Variants in ANKRD13C observed in about 807,000 individuals in gnomAD.
ANKRD13C encodes the protein ankyrin repeat domain 13C.
A neutral mutation model predicts 65.5 loss-of-function variants in ANKRD13C; 16 were observed. The observed-to-expected ratio is 0.24, with a 90% CI of 0.17 to 0.37. The LOEUF is 0.37. Among genes scored for constraint, ANKRD13C ranks in the 10% least tolerant of loss-of-function variants. The pLI is 1.00. For missense variants in ANKRD13C, 503 were observed against 655.9 expected (o/e 0.77, Z 2.55); for synonymous variants, 235 against 238.7 (o/e 0.98, Z 0.14).
chr1:70,274,527 C>T (rs1434366849), intron 11 of ANKRD13C, among the ~76,000 whole-genome samples, 193 bp downstream of exon 11: 2 of 146,318 alleles, frequency 1.4e-5, no homozygotes, highest in South Asian at 4.5e-4. Context: ...AAAAATTTAT[C>T]TGGTGAAAGT....
chr1:70,271,024 C>A (rs1678855199), intron 11 of ANKRD13C, 68 bp from the exon 12 acceptor site: 1 of 945,458 alleles, frequency 1.1e-6, no homozygotes, highest in Non-Finnish European at 1.7e-6. Flanking sequence ...TGCTTTTCAA[C>A]TACATGCTTC....
intron 1 of ANKRD13C, among the ~76,000 whole-genome samples, chr1:70,336,417 T>G (rs1367083404): frequency 6.6e-6 from 1 of 152,196 alleles, no homozygotes; most frequent in African/African-American, 2.4e-5. Context: ...ACAATTTAAA[T>G]ATCTAGTCAT....
In ANKRD13C at chr1:70,294,700, A is replaced by T. The variant is rs139607547; in HGVS notation, c.1053+1430T>A. 1.8e-4 allele frequency among the ~76,000 whole-genome samples: 27 copies of T among 151,228 alleles called. No homozygotes were observed. In the East Asian group the frequency reaches 4.9e-3, roughly 27 times the overall value. ...CTAGAGTGCAGTGGTGTGATCACTC[A>T]CTGTGGCCTCAACCTTCTGGGCTCA... On this transcript the variant is annotated intron_variant, in intron 8 of 12. Transcript: ENST00000370944.
intron 2 of ANKRD13C, 78 bp downstream of exon 2, chr1:70,335,980 G>T (rs1032369393): frequency 6.8e-6 from 3 of 440,076 alleles, no homozygotes; most frequent in South Asian, 3.5e-5. Flanking sequence ...AAACTCAAAA[G>T]ACAAAACTGA....
chr1:70,330,084 G>A (rs1486110108), intron 2 of ANKRD13C, among the ~76,000 whole-genome samples: 2 of 141,358 alleles, frequency 1.4e-5, no homozygotes, highest in Non-Finnish European at 3.0e-5. Flanking sequence ...GCGATATTCC[G>A]TCTCAAAAAA....
At chr1:70,325,006 T>C in intron 2 of ANKRD13C, 49 bp from the exon 3 acceptor site, 1 of 1,273,164 alleles carries the variant, frequency 7.9e-7, no homozygotes. Context: ...ATTTTTAGAA[T>C]CTCTAAATAT....
At chr1:70,350,797 C>A (rs1258603083) in intron 1 of ANKRD13C, among the ~76,000 whole-genome samples, 1 of 152,126 alleles carries the variant, frequency 6.6e-6, no homozygotes, top group Non-Finnish European at 1.5e-5. Flanking sequence ...GAGATTTATA[C>A]TATATAACTT....
At chr1:70,281,549 C>A (rs897326198) in intron 9 of ANKRD13C, among the ~76,000 whole-genome samples, 2 of 151,594 alleles carry the variant, frequency 1.3e-5, no homozygotes, top group African/African-American at 4.8e-5. Context: ...ACTACAGATG[C>A]ATGCCACCAT....
intron 4 of ANKRD13C, among the ~76,000 whole-genome samples, chr1:70,315,017 T>C (rs1168721964): frequency 1.3e-5 from 2 of 152,138 alleles, no homozygotes; most frequent in African/African-American, 2.4e-5. Flanking sequence ...GGCAGGCGGA[T>C]TGCTTGAGCT....
chr1:70,323,828 G>A lies in ANKRD13C; in HGVS notation c.577+1025C>T, dbSNP rs1681421086. On this transcript the variant is annotated intron_variant, in intron 3 of 12. Coordinates refer to ENST00000370944, the MANE Select transcript of ANKRD13C (RefSeq NM_030816.5). Reference sequence around the variant, plus strand: ...CAACCTCCGCCTCCCAGGCTCAGGCGATTCTCGTGCCTCAGCCTCCCGAGT... The same window carrying A: ...CAACCTCCGCCTCCCAGGCTCAGGCAATTCTCGTGCCTCAGCCTCCCGAGT... Among the ~76,000 whole-genome samples the A allele has an allele frequency of 4.0e-5, 6 of 151,254 alleles. No individual in the cohort carries two copies. The South Asian group carries it at 1.1e-3, about 27-fold the overall frequency.
rs147750630 is a variant in ANKRD13C, at chr1:70,307,979, A to C, written c.710-1689T>G. ...AAAAGAAAAAAAGAAAGAAAGAAAA[A>C]ACTTTTTTGAAACAAAAATTGAGAA... On this transcript the variant is annotated intron_variant, in intron 5 of 12. Coordinates refer to ENST00000370944, the MANE Select transcript of ANKRD13C (RefSeq NM_030816.5). Among the ~76,000 whole-genome samples, 446 of 152,276 alleles carry C rather than the reference A, an allele frequency of 2.9e-3. 5 individuals are homozygous for C. The highest frequency in any genetic ancestry group is 0.01 in the African/African-American group (434 of 41,568).
intron 4 of ANKRD13C, 40 bp from the exon 5 acceptor site, chr1:70,313,830 G>A (rs767743208): frequency 3.4e-6 from 5 of 1,471,410 alleles, no homozygotes; most frequent in Non-Finnish European, 4.8e-6. Context: ...ATGCACCTTA[G>A]TTAAAAGTTC....
At chr1:70,336,173 A>C in intron 1 of ANKRD13C, 74 bp from the exon 2 acceptor site, 1 of 349,380 alleles carries the variant, frequency 2.9e-6, no homozygotes, top group Non-Finnish European at 4.9e-6. Flanking sequence ...AAGTGGTTTC[A>C]GCTCCTTCAG....
intron 1 of ANKRD13C, among the ~76,000 whole-genome samples, chr1:70,337,851 A>G (rs920851136): frequency 1.4e-4 from 21 of 152,188 alleles, no homozygotes; most frequent in Admixed American, 1.1e-3. Flanking sequence ...TGTAATCCCA[A>G]CACTTTGGGA....
chr1:70,267,583 T>C (rs547564502), intron 12 of ANKRD13C, among the ~76,000 whole-genome samples: 24 of 152,298 alleles, frequency 1.6e-4, no homozygotes, highest in African/African-American at 5.8e-4. Context: ...TATCTTTTAA[T>C]TGGTATATTT....
At chr1:70,301,492 C>T (rs1453375382) in intron 6 of ANKRD13C, among the ~76,000 whole-genome samples, 1 of 152,188 alleles carries the variant, frequency 6.6e-6, no homozygotes, top group Non-Finnish European at 1.5e-5. Flanking sequence ...CACCCGTAAC[C>T]TTATGCCTAA....
At chr1:70,337,080 A>C (rs1004867423) in intron 1 of ANKRD13C, among the ~76,000 whole-genome samples, 1 of 151,994 alleles carries the variant, frequency 6.6e-6, no homozygotes, top group Admixed American at 6.6e-5. Context: ...GATCACATGC[A>C]GGACATAAGA....
chr1:70,287,116 T>C (rs1199721548), intron 9 of ANKRD13C, among the ~76,000 whole-genome samples: 1 of 152,028 alleles, frequency 6.6e-6, no homozygotes, highest in African/African-American at 2.4e-5. Context: ...TATGATAGTC[T>C]CAAAAATATT....
At chr1:70,307,900 G>A (rs1307541447) in intron 5 of ANKRD13C, among the ~76,000 whole-genome samples, 1 of 152,110 alleles carries the variant, frequency 6.6e-6, no homozygotes, top group Non-Finnish European at 1.5e-5. Flanking sequence ...AGTGGGCTAT[G>A]ATCATGCCAC....
Sources: gnomAD v4.1 joint callset for allele counts (sites outside exome capture counted in the v4.1 genomes callset) on GRCh38, gnomAD v4.1.1 for gene constraint, MANE v1.5 for transcripts, NCBI Gene and HGNC (gene_info 2026-07-23, HGNC 2026-07-21) for gene names.